Variants in KANK1 observed in about 807,000 individuals in gnomAD.
The protein encoded by KANK1 is KN motif and ankyrin repeat domain-containing protein 1.
A neutral mutation model predicts 106.2 loss-of-function variants in KANK1; 109 were observed. That is an observed-to-expected ratio of 1.03 (90% CI 0.88 to 1.20). The LOEUF (loss-of-function observed/expected upper bound fraction) is 1.20, where lower values mean the gene tolerates loss of function less well. Ranked by LOEUF, KANK1 falls within the 50% of genes most tolerant of loss-of-function variation. KANK1 has a pLI of 0.00. For synonymous variants in KANK1, 873 were observed against 652.2 expected (o/e 1.34, Z -5.16); for missense variants, 2,399 against 1,710.7 (o/e 1.40, Z -7.10).
chr9:630,956 AAAAAC>A (rs970869061), intron 1 of KANK1, among the ~76,000 whole-genome samples: 4 of 151,902 alleles, frequency 2.6e-5, no homozygotes, highest in Non-Finnish European at 5.9e-5. Context: ...CTCTGTCTCA[AAAAAC>A]AAAACAAAAC....
At chr9:710,285 T>A (rs1162607722) in intron 2 of KANK1, among the ~76,000 whole-genome samples, 1 of 152,202 alleles carries the variant, frequency 6.6e-6, no homozygotes, top group Non-Finnish European at 1.5e-5. Context: ...ATCTCCATTT[T>A]TACTCAGGGA....
At chr9:616,162 G>T (rs1426775089) in intron 1 of KANK1, among the ~76,000 whole-genome samples, 2 of 152,156 alleles carry the variant, frequency 1.3e-5, no homozygotes. Flanking sequence ...AAATTTTCAG[G>T]TTTAGGTAAA....
Position 508,645 on chromosome 9 carries a change from A to G in KANK1, c.-84+3891A>G, listed in dbSNP as rs937193556. Among the ~76,000 whole-genome samples, 6 of 151,582 alleles carry G rather than the reference A, an allele frequency of 4.0e-5. 1 individual carries two copies. Among genetic ancestry groups the G allele is most frequent in the African/African-American group, 1.5e-4 (6 of 40,868 alleles). On this transcript the variant is annotated intron_variant, in intron 1 of 11. Coordinates refer to ENST00000382297, the MANE Select transcript of KANK1 (RefSeq NM_015158.5). Reference sequence around the variant, plus strand: ...GTTTTCATGCTCTACACAGACTCACACGGTATATAGCTTTTAGTATCCTGG... The same window carrying G: ...GTTTTCATGCTCTACACAGACTCACGCGGTATATAGCTTTTAGTATCCTGG...
intron 1 of KANK1, among the ~76,000 whole-genome samples, chr9:564,056 TTC>T (rs1817174376): frequency 6.9e-6 from 1 of 144,148 alleles, no homozygotes. Flanking sequence ...AATGTGCACT[TTC>T]TTTCTTTTTT....
chr9:613,998 G>A (rs988488991), intron 1 of KANK1, among the ~76,000 whole-genome samples: 7 of 152,146 alleles, frequency 4.6e-5, no homozygotes, highest in African/African-American at 1.4e-4. Context: ...GGAAGAAGGC[G>A]CTGTGCATAG....
chr9:471,460 A>G (rs2058019067), intron 2 of KANK1: 1 of 151,930 alleles, frequency 6.6e-6, no homozygotes, highest in African/African-American at 2.4e-5. Context: ...TGGTGATGAC[A>G]CTCCCAAGTC....
chr9:591,634 C>A (rs1824908239), intron 1 of KANK1, among the ~76,000 whole-genome samples: 1 of 151,792 alleles, frequency 6.6e-6, no homozygotes, highest in Non-Finnish European at 1.5e-5. Context: ...CGCGCACACA[C>A]ACACACTCTT....
At chr9:537,511 G>A (rs1222494758) in intron 1 of KANK1, among the ~76,000 whole-genome samples, 1 of 152,132 alleles carries the variant, frequency 6.6e-6, no homozygotes, top group Non-Finnish European at 1.5e-5. Flanking sequence ...GTAATTTGGG[G>A]GGGCTCTTTT....
At chr9:550,939 T>A (rs1398111856) in intron 1 of KANK1, among the ~76,000 whole-genome samples, 1 of 152,120 alleles carries the variant, frequency 6.6e-6, no homozygotes, top group South Asian at 2.1e-4. Context: ...CAGGAGTCTT[T>A]AAATCCAGCC....
At chr9:626,878 G>A (rs1834473516) in intron 1 of KANK1, among the ~76,000 whole-genome samples, 2 of 152,218 alleles carry the variant, frequency 1.3e-5, no homozygotes, top group Admixed American at 1.3e-4. Flanking sequence ...GCTTTACAGT[G>A]TGTTAAACCA....
chr9:723,008 A>C (rs1829759554), intron 3 of KANK1, among the ~76,000 whole-genome samples: 1 of 152,212 alleles, frequency 6.6e-6, no homozygotes, highest in African/African-American at 2.4e-5. Flanking sequence ...AAAAGACTAG[A>C]GAAGATAGAA....
chr9:699,566 A>G (rs1354509327), intron 2 of KANK1, among the ~76,000 whole-genome samples: 2 of 152,156 alleles, frequency 1.3e-5, no homozygotes, highest in Non-Finnish European at 2.9e-5. Context: ...TTGTGGGGAG[A>G]AGCCAAAAGG....
intron 1 of KANK1, among the ~76,000 whole-genome samples, chr9:608,577 G>T (rs1172390704): frequency 6.6e-6 from 1 of 151,980 alleles, no homozygotes; most frequent in Non-Finnish European, 1.5e-5. Flanking sequence ...AAGTTTACAA[G>T]AGTGGGCTCT....
Position 510,123 on chromosome 9 carries a change from T to G in KANK1, c.-84+5369T>G, listed in dbSNP as rs72705660. Reference sequence around the variant, plus strand: ...CCACTGCACCCAGTCTAAGAAATCTTTAAATTGCTAATATGTTACCTGCAA... The same window carrying G: ...CCACTGCACCCAGTCTAAGAAATCTGTAAATTGCTAATATGTTACCTGCAA... On this transcript the variant is annotated intron_variant, in intron 1 of 11. Coordinates refer to ENST00000382297, the MANE Select transcript of KANK1 (RefSeq NM_015158.5). 3.2e-3 allele frequency among the ~76,000 whole-genome samples: 488 copies of G among 152,282 alleles called. 2 individuals are homozygous for G. Among genetic ancestry groups the G allele is most frequent in the Non-Finnish European group, 5.6e-3 (379 of 68,014 alleles).
chr9:620,056 G>T (rs1487985689), intron 1 of KANK1, among the ~76,000 whole-genome samples: 1 of 151,932 alleles, frequency 6.6e-6, no homozygotes, highest in African/African-American at 2.4e-5. Context: ...AGAATCGCTT[G>T]AACCTCGGAG....
intron 1 of KANK1, among the ~76,000 whole-genome samples, chr9:561,288 A>G (rs972954378): frequency 1.3e-5 from 2 of 152,350 alleles, no homozygotes; most frequent in African/African-American, 4.8e-5. Context: ...AATGGATATC[A>G]TATACTATTT....
chr9:667,330 G>C (rs917530540), intron 1 of KANK1, among the ~76,000 whole-genome samples: 1 of 151,664 alleles, frequency 6.6e-6, no homozygotes, highest in African/African-American at 2.4e-5. Flanking sequence ...AGTTAGTCTT[G>C]CTAAAGTTTT....
chr9:705,549 G>A (rs1823865668), intron 2 of KANK1, among the ~76,000 whole-genome samples: 1 of 151,870 alleles, frequency 6.6e-6, no homozygotes, highest in African/African-American at 2.4e-5. Flanking sequence ...GTTGATAATT[G>A]GTGTGTGGTT....
chr9:562,057 T>C (rs1816613751), intron 1 of KANK1, among the ~76,000 whole-genome samples: 1 of 143,836 alleles, frequency 7.0e-6, no homozygotes, highest in East Asian at 2.0e-4. Flanking sequence ...TTTTTTTTTT[T>C]TTTTTTGAGA....
Sources: allele counts gnomAD v4.1 joint callset (sites outside exome capture counted in the v4.1 genomes callset), GRCh38; gene constraint gnomAD v4.1.1; transcripts MANE v1.5; gene names NCBI Gene and HGNC (gene_info 2026-07-23, HGNC 2026-07-21).